GABRB2: variants seen among roughly 807,000 people sequenced by gnomAD.
GABRB2 encodes the protein gamma-aminobutyric acid type A receptor subunit beta2.
In GABRB2, 16 loss-of-function variants were observed where a neutral mutation model predicts 54.7. The observed-to-expected ratio is 0.29, with a 90% CI of 0.20 to 0.44. The LOEUF (loss-of-function observed/expected upper bound fraction) is 0.44, where lower values mean the gene tolerates loss of function less well. Ranked by LOEUF, GABRB2 falls within the 20% of genes least tolerant of loss-of-function variation. GABRB2 has a pLI of 1.00. For missense variants in GABRB2, 355 were observed against 644.0 expected, an observed-to-expected ratio of 0.55 and a Z score of 4.86; for synonymous variants, 244 against 233.8, an observed-to-expected ratio of 1.04 and a Z score of -0.40.
At chr5:161,430,577 A>G (rs1435902720) in intron 4 of GABRB2, among the ~76,000 whole-genome samples, 1 of 152,150 alleles carries the variant, frequency 6.6e-6, no homozygotes, top group African/African-American at 2.4e-5. Context: ...CCTAGCATAT[A>G]GAGTTGCTGT....
rs1475037014 is a variant in GABRB2 at position 161,289,209 on chromosome 5, C to A, written c.*4872G>T. The A allele has an allele frequency of 1.6e-5, 2 of 126,598 alleles. No homozygotes were observed. Among genetic ancestry groups the A allele is most frequent in the African/African-American group, 3.4e-5 (1 of 29,070 alleles). The allele number at this position is 126,598 out of a possible 1,614,324, so 7.8% of individuals were successfully genotyped here. On this transcript the variant is annotated 3_prime_UTR_variant, in exon 10 of 10. Coordinates refer to ENST00000393959, the MANE Select transcript of GABRB2 (RefSeq NM_001371727.1). The stretch of plus-strand genomic sequence containing the variant: ...ATATTTTACTTCAATTTCCAAAAAC[C>A]TAGTAGCTTTTTAAGAGTGCTGCTT...
At position 161,459,784 on chromosome 5, in the gene GABRB2, C is replaced by T. The variant is rs74692283; in HGVS notation, c.298G>A (p.Val100Ile). 1 of 1,613,850 alleles carries T rather than the reference C, an allele frequency of 6.2e-7. No individual in the cohort carries two copies. Residue 100 changes from valine to isoleucine, a missense_variant, in exon 4 of 10, where the codon GTA becomes ATA. Transcript: ENST00000393959. ...TCCAGAGTCAAGTTTAAAGGTATTA[C>T]ATTATAGGACAGCCTCTTATCTCTC... ...AWRDKRLSYN[V>I]IPLNLTLDNR...
intron 5 of GABRB2, among the ~76,000 whole-genome samples, chr5:161,392,148 T>G (rs1455566092): frequency 4.6e-5 from 7 of 152,126 alleles, no homozygotes; most frequent in Non-Finnish European, 1.5e-5. Flanking sequence ...CTTCTCATCA[T>G]GGCCTCTGTG....
chr5:161,388,022 A>G (rs1246246334), intron 5 of GABRB2, among the ~76,000 whole-genome samples: 1 of 152,182 alleles, frequency 6.6e-6, no homozygotes, highest in Non-Finnish European at 1.5e-5. Flanking sequence ...CCGACAATAA[A>G]ACTATTATTT....
chr5:161,341,971 A>ATATATATATATG (rs1326417978), intron 5 of GABRB2, among the ~76,000 whole-genome samples: 2 of 26,654 alleles, frequency 7.5e-5, no homozygotes, highest in African/African-American at 1.4e-4. Context: ...ATATATATAC[A>ATATATATATATG]TACTTTATTA....
intron 5 of GABRB2, among the ~76,000 whole-genome samples, chr5:161,348,812 A>C (rs1243339997): frequency 6.6e-6 from 1 of 152,048 alleles, no homozygotes; most frequent in South Asian, 2.1e-4. Flanking sequence ...ATTAATATAA[A>C]TATATATTTG....
intron 4 of GABRB2, among the ~76,000 whole-genome samples, chr5:161,411,630 A>G (rs1756519068): frequency 6.6e-6 from 1 of 152,254 alleles, no homozygotes; most frequent in Non-Finnish European, 1.5e-5. Context: ...TGATGTTTTC[A>G]TGATCCCCTA....
intron 9 of GABRB2, among the ~76,000 whole-genome samples, chr5:161,319,206 C>CCAAGAGG (rs1758135504): frequency 6.7e-6 from 1 of 149,978 alleles, no homozygotes; most frequent in Admixed American, 6.6e-5. Flanking sequence ...CCATCCTAAG[C>CCAAGAGG]CAAGAGGCAA....
intron 3 of GABRB2, among the ~76,000 whole-genome samples, chr5:161,487,986 C>T (rs1157181014): frequency 4.0e-5 from 6 of 151,800 alleles, no homozygotes; most frequent in African/African-American, 9.7e-5. Flanking sequence ...TACAAGAGAA[C>T]AGAGTTTGTC....
At chr5:161,373,894 G>A (rs1250351844) in intron 5 of GABRB2, among the ~76,000 whole-genome samples, 1 of 151,540 alleles carries the variant, frequency 6.6e-6, no homozygotes, top group Non-Finnish European at 1.5e-5. Context: ...TCACGTTGTT[G>A]TCTCCAGTTC....
chr5:161,398,256 C>T (rs1782087124), intron 5 of GABRB2, among the ~76,000 whole-genome samples: 1 of 152,114 alleles, frequency 6.6e-6, no homozygotes, highest in South Asian at 2.1e-4. Flanking sequence ...CTGGAGTAAA[C>T]TTTAGTGAAA....
intron 5 of GABRB2, among the ~76,000 whole-genome samples, chr5:161,351,794 A>G (rs1011580172): frequency 2.6e-4 from 39 of 152,096 alleles, no homozygotes; most frequent in African/African-American, 9.4e-4. Context: ...GTATTTGCAC[A>G]CCATACTTCT....
chr5:161,419,278 G>T (rs971701510), intron 4 of GABRB2, among the ~76,000 whole-genome samples: 1 of 152,074 alleles, frequency 6.6e-6, no homozygotes, highest in African/African-American at 2.4e-5. Flanking sequence ...CATCCCAGTC[G>T]GAATGGCTAT....
At position 161,422,960 on chromosome 5, in the gene GABRB2, G is replaced by T. The variant is rs1272128217; in HGVS notation, c.459-11903C>A. Among the ~76,000 whole-genome samples the T allele has an allele frequency of 2.0e-5, 3 of 152,090 alleles. No homozygotes were observed. The East Asian group carries it at 5.8e-4, about 29-fold the overall frequency. ...TCTAATGATTGAATTCCATCCATAA[G>T]ATCTCTATAATTATTGTTCTAATGA... On this transcript the variant is annotated intron_variant, in intron 4 of 9. Transcript: ENST00000393959.
intron 3 of GABRB2, among the ~76,000 whole-genome samples, chr5:161,524,409 T>C (rs551163608): frequency 6.6e-6 from 1 of 151,898 alleles, no homozygotes; most frequent in East Asian, 1.9e-4. Flanking sequence ...ACAACATCAA[T>C]TTCTGGAGTT....
chr5:161,418,480 A>G (rs537688928), intron 4 of GABRB2, among the ~76,000 whole-genome samples: 1 of 152,298 alleles, frequency 6.6e-6, no homozygotes, highest in African/African-American at 2.4e-5. Flanking sequence ...CCCACCATAT[A>G]CAAAAATTAA....
At chr5:161,525,661 A>G (rs1226273053) in intron 3 of GABRB2, among the ~76,000 whole-genome samples, 1 of 151,236 alleles carries the variant, frequency 6.6e-6, no homozygotes, top group African/African-American at 2.4e-5. Context: ...ATAGCATGGG[A>G]TACCAGCTTT....
intron 4 of GABRB2, among the ~76,000 whole-genome samples, chr5:161,429,457 T>C (rs530798516): frequency 6.6e-6 from 1 of 151,172 alleles, no homozygotes; most frequent in East Asian, 1.9e-4. Flanking sequence ...AGTTAGGTGA[T>C]GAAAGATATA....
intron 3 of GABRB2, among the ~76,000 whole-genome samples, chr5:161,461,051 T>C (rs1477877174): frequency 1.3e-5 from 2 of 151,846 alleles, no homozygotes; most frequent in Non-Finnish European, 2.9e-5. Context: ...ATAGGGAGAG[T>C]AGAAACACAG....
Sources: allele counts gnomAD v4.1 joint callset (sites outside exome capture counted in the v4.1 genomes callset), GRCh38; gene constraint gnomAD v4.1.1; transcripts MANE v1.5; gene names NCBI Gene and HGNC (gene_info 2026-07-23, HGNC 2026-07-21).